Variants in APOA4 observed in about 807,000 individuals in gnomAD.
APOA4 encodes the protein apolipoprotein A-IV.
In APOA4, 25 loss-of-function variants were observed where a neutral mutation model predicts 33.6. The ratio of observed to expected loss-of-function variants is 0.74; its 90% confidence interval spans 0.54 to 1.04. The LOEUF is 1.04. APOA4 is among the 50% of genes least tolerant of loss of function. The pLI, the probability that APOA4 is intolerant of heterozygous loss-of-function variation, is 0.00. For missense variants in APOA4, 549 were observed against 510.4 expected (o/e 1.08, Z -0.73); for synonymous variants, 228 against 224.0 (o/e 1.02, Z -0.16).
rs1351859914 is a variant in APOA4, at chr11:116,821,256, C to G, written c.802G>C (p.Ala268Pro). Reference protein sequence around the residue: ...ASAEELRQRLAPLAEDVRGNL... With the variant: ...ASAEELRQRLPPLAEDVRGNL... ...CCACGCACGTCCTCGGCCAAGGGCG[C>G]CAGCCTCTGCCGCAGCTCCTCGGCA... Residue 268 changes from alanine (A) to proline (P), a missense_variant, in exon 3 of 3, where the codon GCG becomes CCG. By Grantham distance (27) the Ala-to-Pro change is conservative. Transcript: ENST00000357780. The G allele has an allele frequency of 1.2e-6, 2 of 1,613,152 alleles. No individual in the cohort carries two copies. The highest frequency in any genetic ancestry group is 1.7e-6 in the Non-Finnish European group (2 of 1,180,024).
Position 116,821,287 on chromosome 11 carries a change from C to T in APOA4, c.771G>A (p.Ser257=), listed in dbSNP as rs759262005. The part of the protein sequence containing the change: ...KNAEELKARI[S]ASAEELRQRL... ...TCTGCCGCAGCTCCTCGGCACTGGC[C>T]GAGATCCTGGCCTTGAGCTCCTCGG... Residue 257 remains serine (S), a synonymous_variant, in exon 3 of 3, where the codon TCG becomes TCA. Coordinates refer to ENST00000357780, the MANE Select transcript of APOA4 (RefSeq NM_000482.4). 1.9e-6 allele frequency: 3 copies of T among 1,613,550 alleles called. No homozygotes were observed. The highest frequency in any genetic ancestry group is 1.3e-5 in the African/African-American group (1 of 74,928).
In APOA4 at chr11:116,821,274, C is replaced by A. The variant is rs1325269045; in HGVS notation, c.784G>T (p.Glu262Ter). The A allele has an allele frequency of 1.2e-6, 2 of 1,613,448 alleles. No individual in the cohort carries two copies. The highest frequency in any genetic ancestry group is 4.5e-5 in the East Asian group (2 of 44,896). Reference sequence around the variant, plus strand: ...AAGGGCGCCAGCCTCTGCCGCAGCTCCTCGGCACTGGCCGAGATCCTGGCC... The same window carrying A: ...AAGGGCGCCAGCCTCTGCCGCAGCTACTCGGCACTGGCCGAGATCCTGGCC... ...LKARISASAE[E>*]LRQRLAPLAE... The change falls in exon 3 of 3, where the codon GAG (glutamate) becomes TAG (stop). Residue 262 changes from glutamate to a stop codon, truncating the protein, a stop_gained. Coordinates refer to ENST00000357780, the MANE Select transcript of APOA4 (RefSeq NM_000482.4). LOFTEE classifies it high-confidence loss of function.
chr11:116,821,673 G>C lies in APOA4; in HGVS notation c.385C>G (p.Arg129Gly), dbSNP rs563483843. The C allele has an allele frequency of 1.1e-5, 17 of 1,600,936 alleles. 1 individual carries two copies. The South Asian group carries it at 1.4e-4, about 14-fold the overall frequency. Residue 129 changes from arginine to glycine, a missense_variant, in exon 3 of 3, where the codon CGA (arginine) becomes GGA (glycine). Physicochemically the swap from Arg to Gly is moderately radical, Grantham distance 125. Transcript: ENST00000357780. ...GGCTCCAGGCGCTGCTGAAGCTCTC[G>C]CAGGTTGTCCCCGATCTTCTGGCTC... ...EVSQKIGDNL[R>G]ELQQRLEPYA...
In APOA4 at chr11:116,823,273, C is replaced by A. The variant is rs1941346180; in HGVS notation, c.-82G>T. 1 of 1,515,984 alleles carries A rather than the reference C, an allele frequency of 6.6e-7. No individual in the cohort carries two copies. Among genetic ancestry groups the A allele is most frequent in the Non-Finnish European group, 9.2e-7 (1 of 1,091,038 alleles). 93.9% of individuals were successfully genotyped at this position (1,515,984 alleles called of 1,614,324 possible). On this transcript the variant is annotated 5_prime_UTR_variant, in exon 1 of 3. Transcript: ENST00000357780. ...TCAGGGGAGCTGACAGAGAGGTCCT[C>A]AGGAGAGCTCACCTGCGCTGCAGTG...
In APOA4 at chr11:116,820,790, C is replaced by T. The variant is rs1941309313; in HGVS notation, c.*77G>A. ...TGTCCTCAAGTTCATACCAGAACTT[C>T]TTTGGGACAGACAGACAGACAGGTG... On this transcript the variant is annotated 3_prime_UTR_variant, in exon 3 of 3. Transcript: ENST00000357780. The T allele has an allele frequency of 1.4e-5, 22 of 1,554,248 alleles. No individual in the cohort carries two copies. In the South Asian group the frequency reaches 2.5e-4, roughly 18 times the overall value.
In APOA4 at chr11:116,822,116, C is replaced by T. The variant is rs1941334101; in HGVS notation, c.177-235G>A. ...CACATAGTTTGTCTCAGAATCTACCCACCATGTCACCTCCAGCAGTTTGCT... is the reference window on the plus strand; with the variant it reads ...CACATAGTTTGTCTCAGAATCTACCTACCATGTCACCTCCAGCAGTTTGCT... On this transcript the variant is annotated intron_variant, in intron 2 of 2. Transcript: ENST00000357780. 2.0e-5 allele frequency among the ~76,000 whole-genome samples: 3 copies of T among 152,178 alleles called. No individual in the cohort carries two copies. The South Asian group carries it at 6.2e-4, about 32-fold the overall frequency.
In APOA4 at chr11:116,823,229, C is replaced by T. The variant is rs765870339; in HGVS notation, c.-38G>A. ...GCTGGGCTGGAGGAGTTTCTTGCCA[C>T]ACTGGATCCTCCCTACAATCAGGGG... is the stretch of plus-strand genomic sequence containing the variant. On this transcript the variant is annotated 5_prime_UTR_variant, in exon 1 of 3. The change creates a new upstream start codon in the 5' untranslated region. Transcript: ENST00000357780. The T allele has an allele frequency of 6.2e-7, 1 of 1,613,180 alleles. No individual in the cohort carries two copies. Among genetic ancestry groups the T allele is most frequent in the Admixed American group, 1.7e-5 (1 of 60,018 alleles).
Position 116,821,490 on chromosome 11 carries a change from T to C in APOA4, c.568A>G (p.Ile190Val). Residue 190 changes from isoleucine to valine, a missense_variant, in exon 3 of 3, where the codon ATC (isoleucine) becomes GTC (valine). Coordinates refer to ENST00000357780, the MANE Select transcript of APOA4 (RefSeq NM_000482.4). ...RPHADELKAKIDQNVEELKGR... is the reference protein window; with the variant it reads ...RPHADELKAKVDQNVEELKGR... ...TTGAGCTCCTCCACGTTCTGGTCGA[T>C]CTTGGCCTTGAGCTCGTCGGCGTGG... 1 of 1,614,118 alleles carries C rather than the reference T, an allele frequency of 6.2e-7. No homozygotes were observed. The highest frequency in any genetic ancestry group is 8.5e-7 in the Non-Finnish European group (1 of 1,180,008).
Position 116,820,788 on chromosome 11 carries a change from T to C in APOA4, c.*79A>G. On this transcript the variant is annotated 3_prime_UTR_variant, in exon 3 of 3. Coordinates refer to ENST00000357780, the MANE Select transcript of APOA4 (RefSeq NM_000482.4). ...TGTGTCCTCAAGTTCATACCAGAAC[T>C]TCTTTGGGACAGACAGACAGACAGG... The C allele has an allele frequency of 6.5e-7, 1 of 1,550,102 alleles. No homozygotes were observed. The highest frequency in any genetic ancestry group is 8.7e-7 in the Non-Finnish European group (1 of 1,148,024).
In APOA4 at chr11:116,821,346, G is replaced by A. The variant is rs1196596633; in HGVS notation, c.712C>T (p.Leu238Phe). ...TTCATCTGGAAGGTCAGGCCCTCAA[G>A]CTGGTGGTTGAGCTTCTCCTGCGTG... is the stretch of plus-strand genomic sequence containing the variant. Reference protein sequence around the residue: ...QDTQEKLNHQLEGLTFQMKKN... With the variant: ...QDTQEKLNHQFEGLTFQMKKN... The change falls in exon 3 of 3, where the codon CTT becomes TTT. Residue 238 changes from leucine (L) to phenylalanine (F), a missense_variant. Physicochemically the swap from Leu to Phe is conservative, Grantham distance 22. Transcript: ENST00000357780. 5 of 1,614,130 alleles carry A rather than the reference G, an allele frequency of 3.1e-6. No individual in the cohort carries two copies. The highest frequency in any genetic ancestry group is 4.2e-6 in the Non-Finnish European group (5 of 1,180,020).
rs748186729 is a variant in APOA4 at position 116,821,470 on chromosome 11, C to G, written c.588G>C (p.Glu196Asp). ...CGTAGGGCGTAAGGCGTCCCTTGAGCTCCTCCACGTTCTGGTCGATCTTGG... is the reference window on the plus strand; with the variant it reads ...CGTAGGGCGTAAGGCGTCCCTTGAGGTCCTCCACGTTCTGGTCGATCTTGG... Reference protein sequence around the residue: ...LKAKIDQNVEELKGRLTPYAD... With the variant: ...LKAKIDQNVEDLKGRLTPYAD... The change falls in exon 3 of 3, where the codon GAG becomes GAC. Residue 196 changes from glutamate (E) to aspartate (D), a missense_variant. By Grantham distance (45) the Glu-to-Asp change is conservative. Transcript: ENST00000357780. 3 of 1,614,070 alleles carry G rather than the reference C, an allele frequency of 1.9e-6. No homozygotes were observed. Among genetic ancestry groups the G allele is most frequent in the Admixed American group, 1.7e-5 (1 of 60,012 alleles).
rs13306179 is a variant in APOA4, at chr11:116,822,451, C to T, written c.176+208G>A. Among the ~76,000 whole-genome samples the T allele has an allele frequency of 1.6e-4, 24 of 152,274 alleles. No individual in the cohort carries two copies. In the East Asian group the frequency reaches 4.2e-3, roughly 27 times the overall value. ...TGTGGCCATTTGTCAAACTCTAGAA[C>T]GTCAAAGCAAAAGGACATGGCAGGG... On this transcript the variant is annotated intron_variant, in intron 2 of 2. Transcript: ENST00000357780.
Position 116,820,846 on chromosome 11 carries a change from G to C in APOA4, c.*21C>G. The C allele has an allele frequency of 6.2e-7, 1 of 1,612,020 alleles. No individual in the cohort carries two copies. Among genetic ancestry groups the C allele is most frequent in the Middle Eastern group, 1.8e-4 (1 of 5,710 alleles). On this transcript the variant is annotated 3_prime_UTR_variant, in exon 3 of 3. Coordinates refer to ENST00000357780, the MANE Select transcript of APOA4 (RefSeq NM_000482.4). ...GCAGGGCAGGTGTCCACGAGGGTGG[G>C]GCCAGTGCACCAGGGGCAGCTCAGC...
Position 116,821,001 on chromosome 11 carries a change from A to C in APOA4, c.1057T>G (p.Ser353Ala), listed in dbSNP as rs146353487. 2,444 of 1,614,190 alleles carry C rather than the reference A, an allele frequency of 1.5e-3. 33 individuals are homozygous for C. The African/African-American group carries it at 0.028, about 18-fold the overall frequency. The change falls in exon 3 of 3, where the codon TCC (serine) becomes GCC (alanine). Residue 353 changes from serine to alanine, a missense_variant. Ser to Ala is a moderately conservative substitution (Grantham distance 99). Transcript: ENST00000357780. ...LEKDLRDKVNSFFSTFKEKES... is the reference protein window; with the variant it reads ...LEKDLRDKVNAFFSTFKEKES... ...TTCTCCTTGAAGGTGCTGAAGAAGG[A>C]GTTGACCTTGTCCCTCAGGTCCTTC... is the stretch of plus-strand genomic sequence containing the variant.
chr11:116,823,011 G>A, intron 1 of APOA4, 132 bp downstream of exon 1: 1 of 1,386,526 alleles, frequency 7.2e-7, no homozygotes. Flanking sequence ...CCACTTGGCA[G>A]CCAGGCAGAC....
rs536425647 is a variant in APOA4 at position 116,821,545 on chromosome 11, G to A, written c.513C>T (p.Asn171=). The A allele has an allele frequency of 5.5e-5, 88 of 1,612,630 alleles. No homozygotes were observed. The highest frequency in any genetic ancestry group is 1.6e-4 in the South Asian group (15 of 91,076). Residue 171 remains asparagine, a synonymous_variant, in exon 3 of 3, where the codon AAC becomes AAT. Transcript: ENST00000357780. ...TCAGCGAGGCCTGCAGGCTGTCGGC[G>A]TTCTCCCGCAGCACTCTCTCCATGC... ...AQRMERVLRE[N]ADSLQASLRP... is the part of the protein sequence containing the mutation.
Position 116,821,578 on chromosome 11 carries a change from G to GT in APOA4, c.479dup (p.Tyr160Ter). 6.2e-7 allele frequency: 1 copy of GT among 1,610,990 alleles called. No homozygotes were observed. The highest frequency in any genetic ancestry group is 1.1e-5 in the South Asian group (1 of 91,058). ...AEQLRRQLTPYAQRMERVLRE... is the reference protein window; with the variant it reads ...AEQLRRQLTP ...GCAGCACTCTCTCCATGCGCTGTGC[G>GT]TAGGGGGTCAGCTGGCGCCGCAGCT... Residue 160 changes from tyrosine (Y) to a stop codon, truncating the protein, a stop_gained and frameshift_variant, in exon 3 of 3, where the codon TAC (tyrosine) becomes TAAC (stop). Transcript: ENST00000357780. LOFTEE classifies it high-confidence loss of function.
chr11:116,822,603 C>T (rs923329859), intron 2 of APOA4, 56 bp downstream of exon 2: 98 of 1,613,592 alleles, frequency 6.1e-5, no homozygotes, highest in Non-Finnish European at 7.6e-5. Flanking sequence ...CTTGCCAGTA[C>T]ATTGCATGGC....
Position 116,823,148 on chromosome 11 carries a change from A to G in APOA4, c.44T>C (p.Val15Ala), listed in dbSNP as rs1374010066. The change falls in exon 1 of 3, where the codon GTC becomes GCC. Residue 15 changes from valine (V) to alanine (A), a missense_variant. By Grantham distance (64) the Val-to-Ala change is moderately conservative. Transcript: ENST00000357780. Reference protein sequence around the residue: ...AVVLTLALVAVAGARAEVSAD... With the variant: ...AVVLTLALVAAAGARAEVSAD... ...CAAAGACAGCTTCTACTCACCGGCG[A>G]CAGCCACCAGGGCCAGGGTCAGGAC... 1 of 1,613,910 alleles carries G rather than the reference A, an allele frequency of 6.2e-7. No individual in the cohort carries two copies. The highest frequency in any genetic ancestry group is 1.3e-5 in the African/African-American group (1 of 74,914).
Sources: gnomAD v4.1 joint callset for allele counts (sites outside exome capture counted in the v4.1 genomes callset) on GRCh38, gnomAD v4.1.1 for gene constraint, MANE v1.5 for transcripts, NCBI Gene and HGNC (gene_info 2026-07-23, HGNC 2026-07-21) for gene names.